SMARCA2: variants seen among roughly 807,000 people sequenced by gnomAD.
SMARCA2 encodes the protein SWI/SNF related BAF chromatin remodeling complex subunit ATPase 2, also known as SWI/SNF-related matrix-associated actin-dependent regulator of chromatin subfamily A member 2.
Under a neutral mutation model 199.8 loss-of-function variants are expected in SMARCA2, and 61 were observed. That is an observed-to-expected ratio of 0.31 (90% CI 0.25 to 0.38). The LOEUF (loss-of-function observed/expected upper bound fraction) is 0.38, where lower values mean the gene tolerates loss of function less well. Ranked by LOEUF, SMARCA2 falls within the 10% of genes least tolerant of loss-of-function variation. The pLI is 1.00. For missense variants in SMARCA2, 1,344 were observed against 2,012.2 expected (o/e 0.67, Z 6.35); for synonymous variants, 935 against 732.0 (o/e 1.28, Z -4.48).
chr9:2,148,527 C>T (rs1349016963), intron 27 of SMARCA2, among the ~76,000 whole-genome samples: 1 of 151,216 alleles, frequency 6.6e-6, no homozygotes. Context: ...TTTTAGGGTA[C>T]ATGTGCACAA....
chr9:2,090,713 C>T (rs749556640), intron 19 of SMARCA2, among the ~76,000 whole-genome samples: 15 of 152,274 alleles, frequency 9.9e-5, no homozygotes, highest in Non-Finnish European at 1.8e-4. Flanking sequence ...AGCTCTTTCT[C>T]GCTGTTCTCT....
At chr9:2,073,939 C>G (rs193216619) in intron 12 of SMARCA2, among the ~76,000 whole-genome samples, 2 of 152,098 alleles carry the variant, frequency 1.3e-5, no homozygotes, top group Non-Finnish European at 2.9e-5. Context: ...AGATGGATTA[C>G]CTTGGGAAAG....
chr9:2,020,266 T>C (rs912868427), intron 1 of SMARCA2, among the ~76,000 whole-genome samples: 1 of 152,064 alleles, frequency 6.6e-6, no homozygotes, highest in African/African-American at 2.4e-5. Flanking sequence ...TGTTTTTTTT[T>C]CCCCCTTAAA....
Position 2,086,363 on chromosome 9 carries a change from C to A in SMARCA2, c.2527-466C>A, listed in dbSNP as rs184171087. ...AGGCATGGAGCCAAGAATATCTCAG[C>A]TGTAGAACCTGCTAGGGCCATCTTG... On this transcript the variant is annotated intron_variant, in intron 17 of 33. Transcript: ENST00000349721. The surrounding 1 kb of genome is among the most constrained non-coding windows in gnomAD (Gnocchi z 4.3). 3.3e-5 allele frequency among the ~76,000 whole-genome samples: 5 copies of A among 152,342 alleles called. No individual in the cohort carries two copies. The East Asian group carries it at 9.6e-4, about 29-fold the overall frequency.
chr9:2,112,163 A>T (rs1823034840), intron 24 of SMARCA2, among the ~76,000 whole-genome samples: 1 of 152,168 alleles, frequency 6.6e-6, no homozygotes, highest in African/African-American at 2.4e-5. Flanking sequence ...TGCAGCAGGC[A>T]GTGAGCTAGG....
chr9:2,051,450 G>C (rs1375635009), intron 5 of SMARCA2, among the ~76,000 whole-genome samples: 1 of 152,038 alleles, frequency 6.6e-6, no homozygotes, highest in Non-Finnish European at 1.5e-5. Context: ...TCTCCCCGGG[G>C]TTCCCACCCC....
chr9:2,167,378 A>G (rs1000477417), intron 28 of SMARCA2, among the ~76,000 whole-genome samples: 1 of 152,244 alleles, frequency 6.6e-6, no homozygotes, highest in East Asian at 1.9e-4. Flanking sequence ...CTCTCTATCA[A>G]TTGCTCGAAG....
chr9:2,175,905 G>A (rs1261286142), intron 29 of SMARCA2, among the ~76,000 whole-genome samples: 2 of 151,754 alleles, frequency 1.3e-5, no homozygotes, highest in African/African-American at 4.8e-5. Context: ...TTGAGATGAA[G>A]TTTCGCTCTT....
intron 9 of SMARCA2, among the ~76,000 whole-genome samples, chr9:2,069,606 A>G (rs1215868264): frequency 1.3e-5 from 2 of 152,094 alleles, no homozygotes; most frequent in African/African-American, 4.8e-5. Context: ...TCATCAGATA[A>G]CAATATCTGC....
At chr9:2,092,287 A>T (rs7042218) in intron 19 of SMARCA2, among the ~76,000 whole-genome samples, 5 of 152,188 alleles carry the variant, frequency 3.3e-5, no homozygotes, top group Admixed American at 1.3e-4. Context: ...CCTAAAGTCA[A>T]TCCTGATTCT....
At chr9:2,075,622 T>A (rs1821289673) in intron 12 of SMARCA2, among the ~76,000 whole-genome samples, 1 of 152,220 alleles carries the variant, frequency 6.6e-6, no homozygotes, top group South Asian at 2.1e-4. Flanking sequence ...CCAAGTCCCA[T>A]GGGCATTATC....
chr9:2,078,436 C>A (rs1821420813), intron 14 of SMARCA2, among the ~76,000 whole-genome samples: 1 of 151,754 alleles, frequency 6.6e-6, no homozygotes, highest in Non-Finnish European at 1.5e-5. Flanking sequence ...CTTAGCACTG[C>A]ACTCCAGCCT....
intron 3 of SMARCA2, chr9:2,033,318 T>C: frequency 2.2e-6 from 1 of 445,788 alleles, no homozygotes; most frequent in Non-Finnish European, 4.0e-6. Flanking sequence ...CCAAGCAGTC[T>C]GCAAAGAGCT....
Position 2,169,666 on chromosome 9 carries a change from T to C in SMARCA2, c.4200-753T>C, listed in dbSNP as rs930549959. 2.6e-5 allele frequency among the ~76,000 whole-genome samples: 4 copies of C among 151,994 alleles called. No homozygotes were observed. Among genetic ancestry groups the C allele is most frequent in the Non-Finnish European group, 1.5e-5 (1 of 67,996 alleles). ...AATCCCAAAGGGTGCTGTCTACACC[T>C]GGAGGGAGATCTAGAGGGTATGGAG... On this transcript the variant is annotated intron_variant, in intron 28 of 33. Transcript: ENST00000349721. This position sits in a 1 kb window ranked among gnomAD's most constrained non-coding sequence, Gnocchi z 6.5.
At chr9:2,093,634 C>T (rs1822153750) in intron 19 of SMARCA2, among the ~76,000 whole-genome samples, 1 of 152,294 alleles carries the variant, frequency 6.6e-6, no homozygotes, top group Admixed American at 6.5e-5. Context: ...CCCAGAAGGG[C>T]TTAAAAGGAT....
In SMARCA2 at chr9:2,016,245, G is replaced by T. The variant is rs1311619962; in HGVS notation, c.-37+841G>T. 6.6e-6 allele frequency: 1 copy of T among 152,382 alleles called. No individual in the cohort carries two copies. Among genetic ancestry groups the T allele is most frequent in the African/African-American group, 2.4e-5 (1 of 41,468 alleles). The allele number at this position is 152,382 out of a possible 1,614,324, so 9.4% of individuals were successfully genotyped here. ...AGGCCTTTAGGCAAAGGGGCTGCCA[G>T]GGGGCTGCGCCCCGGGCGCTGCGGA... On this transcript the variant is annotated intron_variant, in intron 1 of 33. Coordinates refer to ENST00000349721, the MANE Select transcript of SMARCA2 (RefSeq NM_003070.5). The surrounding 1 kb of genome is among the most constrained non-coding windows in gnomAD (Gnocchi z 5.6).
At chr9:2,160,271 T>TA (rs1825598252) in intron 27 of SMARCA2, 1 of 381,596 alleles carries the variant, frequency 2.6e-6, no homozygotes, top group Non-Finnish European at 4.7e-6. Context: ...GCCTCCTTCA[T>TA]AGTGGTTATC....
At chr9:2,168,618 C>T (rs549401482) in intron 28 of SMARCA2, among the ~76,000 whole-genome samples, 1 of 152,318 alleles carries the variant, frequency 6.6e-6, no homozygotes, top group African/African-American at 2.4e-5. Context: ...CATCTCAAGG[C>T]TTCATCAAAC....
intron 1 of SMARCA2, among the ~76,000 whole-genome samples, chr9:2,026,303 C>T (rs999442347): frequency 6.6e-6 from 1 of 152,204 alleles, no homozygotes; most frequent in African/African-American, 2.4e-5. Flanking sequence ...ATCTGAGGTT[C>T]TCTTCTTATT....
Sources: allele counts gnomAD v4.1 joint callset (sites outside exome capture counted in the v4.1 genomes callset), GRCh38; gene constraint gnomAD v4.1.1; non-coding constraint Gnocchi (gnomAD v3.1); transcripts MANE v1.5; gene names NCBI Gene and HGNC (gene_info 2026-07-23, HGNC 2026-07-21).